Variants in TMEM117 observed in about 807,000 individuals in gnomAD.
TMEM117 encodes the protein transmembrane protein 117.
In TMEM117, 27 loss-of-function variants were observed where a neutral mutation model predicts 52.4. The ratio of observed to expected loss-of-function variants is 0.51; its 90% CI spans 0.38 to 0.71. The LOEUF (loss-of-function observed/expected upper bound fraction) is 0.71, where lower values mean the gene tolerates loss of function less well. Among genes scored for constraint, TMEM117 ranks in the 30% least tolerant of loss-of-function variants. The pLI is 0.00. For synonymous variants in TMEM117, 215 were observed against 206.3 expected (o/e 1.04, Z -0.36); for missense variants, 556 against 630.5 (o/e 0.88, Z 1.26).
chr12:44,154,904 G>A (rs1264360084), intron 4 of TMEM117, among the ~76,000 whole-genome samples: 2 of 151,660 alleles, frequency 1.3e-5, no homozygotes, highest in Non-Finnish European at 2.9e-5. Context: ...TCTAAAATTG[G>A]TGACAACTTC....
At chr12:43,844,057 C>T (rs1028674478) in intron 1 of TMEM117, among the ~76,000 whole-genome samples, 1 of 152,130 alleles carries the variant, frequency 6.6e-6, no homozygotes, top group Non-Finnish European at 1.5e-5. Flanking sequence ...AAGAGGAGGC[C>T]GAGTATGGTG....
chr12:44,099,049 A>T (rs1446515039), intron 3 of TMEM117, among the ~76,000 whole-genome samples: 2 of 151,964 alleles, frequency 1.3e-5, no homozygotes, highest in Non-Finnish European at 2.9e-5. Context: ...TCTGGTTCTT[A>T]TCCATCTGCT....
chr12:44,319,977 G>T (rs73088663), intron 6 of TMEM117, among the ~76,000 whole-genome samples: 5,061 of 152,058 alleles, frequency 0.033, 103 homozygotes, highest in Middle Eastern at 0.13. Flanking sequence ...CACTGCCATG[G>T]CCTAACAGCC....
intron 4 of TMEM117, among the ~76,000 whole-genome samples, chr12:44,194,878 C>G (rs912152904): frequency 6.6e-6 from 1 of 152,064 alleles, no homozygotes; most frequent in Non-Finnish European, 1.5e-5. Context: ...AAAGTTTGAG[C>G]ACAGGAGCAT....
intron 6 of TMEM117, among the ~76,000 whole-genome samples, chr12:44,301,690 C>CT (rs1460926453): frequency 6.6e-6 from 1 of 152,180 alleles, no homozygotes; most frequent in Non-Finnish European, 1.5e-5. Context: ...TTTTCCATCT[C>CT]TTATCTTTTT....
In TMEM117 at chr12:44,061,133, T is replaced by C. The variant is rs146452695; in HGVS notation, c.411-82392T>C. ...TTAAGTGGCAATTGAGTTGAAAATA[T>C]TTATTGCAGGGGATTAGGGAGTTGG... On this transcript the variant is annotated intron_variant, in intron 3 of 7. Transcript: ENST00000266534. 5.3e-5 allele frequency among the ~76,000 whole-genome samples: 8 copies of C among 152,272 alleles called. No homozygotes were observed. In the East Asian group the frequency reaches 1.3e-3, roughly 26 times the overall value.
intron 6 of TMEM117, among the ~76,000 whole-genome samples, chr12:44,338,553 G>A (rs1198987852): frequency 2.6e-5 from 4 of 151,594 alleles, no homozygotes; most frequent in East Asian, 1.9e-4. Flanking sequence ...AAAATAGTGC[G>A]TGTCCATATA....
chr12:43,963,386 C>T (rs577201847), intron 3 of TMEM117, among the ~76,000 whole-genome samples: 1 of 152,204 alleles, frequency 6.6e-6, no homozygotes, highest in Admixed American at 6.5e-5. Flanking sequence ...CAAAGAGATA[C>T]ATTTTGAACC....
intron 5 of TMEM117, among the ~76,000 whole-genome samples, chr12:44,289,225 T>TTGTG (rs59507806): frequency 0.017 from 2,425 of 146,056 alleles, 34 homozygotes; most frequent in Non-Finnish European, 0.022. Context: ...CTATCCCATT[T>TTGTG]TGTGTGTGTG....
At chr12:43,816,233 T>C in the TMEM117 span, among the ~76,000 whole-genome samples, 1 of 152,218 alleles carries the variant, frequency 6.6e-6, no homozygotes, top group Non-Finnish European at 1.5e-5. Context: ...CAAGGTGTTC[T>C]GTTCTGCTTC....
chr12:44,134,064 G>T (rs551477586), intron 3 of TMEM117, among the ~76,000 whole-genome samples: 2 of 152,120 alleles, frequency 1.3e-5, no homozygotes, highest in African/African-American at 4.8e-5. Context: ...TCAAAATCAG[G>T]CTCCCTTTAT....
At chr12:44,210,581 A>G (rs559517518) in intron 4 of TMEM117, among the ~76,000 whole-genome samples, 11 of 152,314 alleles carry the variant, frequency 7.2e-5, no homozygotes, top group African/African-American at 2.6e-4. Flanking sequence ...CCTAGTGAAG[A>G]GAGAAAAAAG....
chr12:43,997,986 G>A (rs1269579523), intron 3 of TMEM117, among the ~76,000 whole-genome samples: 1 of 152,138 alleles, frequency 6.6e-6, no homozygotes, highest in African/African-American at 2.4e-5. Flanking sequence ...TGATAGAGCT[G>A]GTTCTCACAA....
At chr12:44,343,149 C>T (rs1026350765) in intron 6 of TMEM117, among the ~76,000 whole-genome samples, 4 of 151,346 alleles carry the variant, frequency 2.6e-5, no homozygotes, top group Non-Finnish European at 4.4e-5. Flanking sequence ...GATGGGGTTT[C>T]GCCATGTTGG....
intron 3 of TMEM117, among the ~76,000 whole-genome samples, chr12:44,012,768 C>G (rs898163836): frequency 7.9e-5 from 12 of 152,114 alleles, no homozygotes; most frequent in Non-Finnish European, 1.8e-4. Flanking sequence ...TTTAAACATT[C>G]CTGGTCTGAC....
At chr12:44,106,764 C>G (rs1947962605) in intron 3 of TMEM117, among the ~76,000 whole-genome samples, 1 of 151,926 alleles carries the variant, frequency 6.6e-6, no homozygotes, top group East Asian at 1.9e-4. Context: ...CACAGAGTTA[C>G]AGATATTGAG....
At chr12:44,133,051 G>A (rs541242699) in intron 3 of TMEM117, among the ~76,000 whole-genome samples, 42 of 152,324 alleles carry the variant, frequency 2.8e-4, no homozygotes, top group African/African-American at 9.9e-4. Flanking sequence ...AGACTGCAGG[G>A]CATCAGTGTC....
chr12:43,998,456 G>A (rs1265731292), intron 3 of TMEM117, among the ~76,000 whole-genome samples: 2 of 152,124 alleles, frequency 1.3e-5, no homozygotes, highest in African/African-American at 2.4e-5. Flanking sequence ...TTTAATTGGT[G>A]TTTCTAGACC....
chr12:43,857,005 G>A (rs934321566), intron 2 of TMEM117, among the ~76,000 whole-genome samples: 2 of 152,146 alleles, frequency 1.3e-5, no homozygotes, highest in Non-Finnish European at 2.9e-5. Flanking sequence ...TTGTGTTCCT[G>A]TTATGTTCTC....
Sources: gnomAD v4.1 joint callset for allele counts (sites outside exome capture counted in the v4.1 genomes callset) on GRCh38, gnomAD v4.1.1 for gene constraint, MANE v1.5 for transcripts, NCBI Gene and HGNC (gene_info 2026-07-23, HGNC 2026-07-21) for gene names.